OTOGL: variants seen among roughly 807,000 people sequenced by gnomAD.
OTOGL encodes otogelin-like protein.
In OTOGL, 285 loss-of-function variants were observed where a neutral mutation model predicts 318.5. The observed-to-expected ratio is 0.89, with a 90% CI of 0.81 to 0.99. The LOEUF is 0.99. Among genes scored for constraint, OTOGL ranks in the 50% least tolerant of loss-of-function variants. The probability of loss-of-function intolerance (pLI) is 0.00; values close to 1 mark genes in which losing one functional copy is unlikely to be tolerated. For missense variants in OTOGL, 2,899 were observed against 2,845.6 expected (o/e 1.02, Z -0.43); for synonymous variants, 987 against 936.5 (o/e 1.05, Z -0.99).
At chr12:80,200,787 G>A (rs1484727109) in intron 1 of OTOGL, among the ~76,000 whole-genome samples, 1 of 152,150 alleles carries the variant, frequency 6.6e-6, no homozygotes, top group East Asian at 1.9e-4. Context: ...AGGAAAAGAA[G>A]ATATTATAAT....
intron 4 of OTOGL, among the ~76,000 whole-genome samples, chr12:80,213,770 T>C (rs553548982): frequency 5.3e-5 from 8 of 152,276 alleles, no homozygotes; most frequent in African/African-American, 1.9e-4. Flanking sequence ...TCAAAATCAC[T>C]TATTTTCTGA....
chr12:80,108,956 A>ACG, intron 1 of OTOGL, among the ~76,000 whole-genome samples: 1 of 144,834 alleles, frequency 6.9e-6, no homozygotes, highest in African/African-American at 2.6e-5. Context: ...ATATATATAC[A>ACG]CACACACATA....
Position 80,302,803 on chromosome 12 carries a change from A to C in OTOGL, c.3213+20A>C. The C allele has an allele frequency of 7.0e-7, 1 of 1,438,324 alleles. No individual in the cohort carries two copies. Among genetic ancestry groups the C allele is most frequent in the African/African-American group, 1.4e-5 (1 of 69,564 alleles). The allele number at this position is 1,438,324 out of a possible 1,614,324, so 89.1% of individuals were successfully genotyped here. On this transcript the variant is annotated intron_variant, in intron 28 of 58. Transcript: ENST00000547103. The stretch of plus-strand genomic sequence containing the variant: ...TGGAAGGTAGGTCAACCTAAGCTCC[A>C]AATGAGATGTAATGAATAAAATCAC...
At chr12:80,147,074 A>T (rs1017840220) in intron 1 of OTOGL, among the ~76,000 whole-genome samples, 26 of 150,722 alleles carry the variant, frequency 1.7e-4, no homozygotes, top group African/African-American at 2.7e-4. Context: ...CTCTGATTTT[A>T]GTTATTTCTT....
chr12:80,376,836 T>C (rs1891200337), intron 57 of OTOGL, among the ~76,000 whole-genome samples: 1 of 152,110 alleles, frequency 6.6e-6, no homozygotes, highest in Non-Finnish European at 1.5e-5. Flanking sequence ...CATTATTACA[T>C]GTGTGGAATA....
At chr12:80,226,861 A>T (rs1456735720) in intron 7 of OTOGL, among the ~76,000 whole-genome samples, 3 of 152,182 alleles carry the variant, frequency 2.0e-5, no homozygotes, top group Non-Finnish European at 2.9e-5. Context: ...GAAAGTGTGC[A>T]TGGGAAGAGA....
chr12:80,154,313 G>T (rs571036595), intron 1 of OTOGL, among the ~76,000 whole-genome samples: 10 of 151,864 alleles, frequency 6.6e-5, no homozygotes, highest in African/African-American at 2.4e-4. Context: ...AGTTAAAAAG[G>T]GGGGGAAAAA....
intron 26 of OTOGL, among the ~76,000 whole-genome samples, chr12:80,292,952 G>C (rs902666047): frequency 1.3e-5 from 2 of 152,158 alleles, no homozygotes; most frequent in African/African-American, 4.8e-5. Flanking sequence ...AAGTTAGTTT[G>C]AGGCCAAAAG....
At chr12:80,189,038 T>A (rs918814659) in intron 1 of OTOGL, among the ~76,000 whole-genome samples, 1 of 152,194 alleles carries the variant, frequency 6.6e-6, no homozygotes, top group African/African-American at 2.4e-5. Flanking sequence ...TCCCTCTAAT[T>A]TAATGTCTTT....
chr12:80,186,018 C>A (rs978650777), intron 1 of OTOGL, among the ~76,000 whole-genome samples: 3 of 150,826 alleles, frequency 2.0e-5, no homozygotes, highest in African/African-American at 2.4e-5. Flanking sequence ...GCCATATATT[C>A]AGCACTGGGC....
intron 37 of OTOGL, 33 bp downstream of exon 37, chr12:80,329,152 A>C: frequency 7.0e-7 from 1 of 1,419,776 alleles, no homozygotes; most frequent in Non-Finnish European, 9.4e-7. Context: ...CAAAAGTAGC[A>C]CTATGTAGTT....
At chr12:80,283,336 G>C (rs564601521) in intron 26 of OTOGL, among the ~76,000 whole-genome samples, 6 of 151,948 alleles carry the variant, frequency 3.9e-5, no homozygotes, top group African/African-American at 1.4e-4. Flanking sequence ...TCTTTCCAAG[G>C]GTTCTGTCAG....
intron 1 of OTOGL, among the ~76,000 whole-genome samples, chr12:80,156,743 C>A (rs1286319116): frequency 6.6e-6 from 1 of 152,094 alleles, no homozygotes; most frequent in African/African-American, 2.4e-5. Flanking sequence ...TGTAAGGCCT[C>A]CCCAGGCATG....
chr12:80,278,682 G>A (rs148075126), intron 25 of OTOGL, among the ~76,000 whole-genome samples: 2 of 151,666 alleles, frequency 1.3e-5, no homozygotes, highest in African/African-American at 4.8e-5. Context: ...CATGAGCAAT[G>A]TCATGTCTAA....
Position 80,271,644 on chromosome 12 carries a change from G to A in OTOGL, c.2519-4G>A, listed in dbSNP as rs756751568. The A allele has an allele frequency of 3.1e-6, 5 of 1,611,780 alleles. No individual in the cohort carries two copies. In the South Asian group the frequency reaches 5.5e-5, roughly 18 times the overall value. On this transcript the variant is annotated splice_region_variant and splice_polypyrimidine_tract_variant and intron_variant, in intron 23 of 58. Coordinates refer to ENST00000547103, the MANE Select transcript of OTOGL (RefSeq NM_001378609.3). ...GGACATTTTGTCTGTGCTTATATCT[G>A]AAGTTCACATCTGCCCAGAGGGAAA...
At chr12:80,371,493 T>A (rs1044549312) in intron 56 of OTOGL, among the ~76,000 whole-genome samples, 2 of 152,114 alleles carry the variant, frequency 1.3e-5, no homozygotes, top group African/African-American at 4.8e-5. Flanking sequence ...CATTCTCTTA[T>A]TTCAATTGCA....
chr12:80,192,322 G>A (rs542544111), intron 1 of OTOGL, among the ~76,000 whole-genome samples: 13 of 152,284 alleles, frequency 8.5e-5, no homozygotes, highest in African/African-American at 2.2e-4. Context: ...CTGCTGGTCC[G>A]GTCATGGTCA....
intron 26 of OTOGL, among the ~76,000 whole-genome samples, chr12:80,282,634 T>G (rs961090349): frequency 6.6e-6 from 1 of 151,912 alleles, no homozygotes; most frequent in African/African-American, 2.4e-5. Context: ...AAGCCTGTTT[T>G]AGCAAACAAT....
At chr12:80,208,899 G>A (rs865967834) in intron 1 of OTOGL, among the ~76,000 whole-genome samples, 14 of 152,090 alleles carry the variant, frequency 9.2e-5, no homozygotes, top group South Asian at 2.1e-4. Flanking sequence ...TAGTTTTAGT[G>A]TACTTTTTAA....
Sources: gnomAD v4.1 joint callset for allele counts (sites outside exome capture counted in the v4.1 genomes callset) on GRCh38, gnomAD v4.1.1 for gene constraint, MANE v1.5 for transcripts, NCBI Gene and HGNC (gene_info 2026-07-23, HGNC 2026-07-21) for gene names.